The following IFNGR1 variants were observed in gnomAD, a reference collection of about 807,000 sequenced individuals.
The protein encoded by IFNGR1 is interferon gamma receptor 1.
A neutral mutation model predicts 35.4 loss-of-function variants in IFNGR1; 23 were observed. The observed-to-expected ratio is 0.65, with a 90% CI of 0.47 to 0.92. The LOEUF (loss-of-function observed/expected upper bound fraction) is 0.92. IFNGR1 is among the 40% of genes least tolerant of loss of function. The probability of loss-of-function intolerance (pLI) is 0.00; values close to 1 mark genes in which losing one functional copy is unlikely to be tolerated. For synonymous variants in IFNGR1, 199 were observed against 209.5 expected, an observed-to-expected ratio of 0.95 and a Z score of 0.43; for missense variants, 533 against 583.4, an observed-to-expected ratio of 0.91 and a Z score of 0.89.
chr6:137,199,557 A>ATTTATTATAT (rs1582630035), intron 6 of IFNGR1, among the ~76,000 whole-genome samples: 1 of 29,168 alleles, frequency 3.4e-5, no homozygotes, highest in African/African-American at 1.1e-4. Flanking sequence ...ATAACATATA[A>ATTTATTATAT]AATATATATA....
chr6:137,201,572 C>G (rs1779277450), intron 5 of IFNGR1, among the ~76,000 whole-genome samples: 1 of 152,028 alleles, frequency 6.6e-6, no homozygotes, highest in Non-Finnish European at 1.5e-5. Flanking sequence ...ACGTGGGAGG[C>G]TGAGGCAGGA....
In IFNGR1 at chr6:137,198,517, T is replaced by C. The variant is rs752694743; in HGVS notation, c.984A>G (p.Pro328=). ...KEVVCEEPLS[P]ATVPGMHTED... ...CGGTATGCATGCCTGGAACTGTTGC[T>C]GGAGACAACGGCTCTTCACAGACCA... The change falls in exon 7 of 7, where the codon CCA becomes CCG. Residue 328 remains proline, a synonymous_variant. Coordinates refer to ENST00000367739, the MANE Select transcript of IFNGR1 (RefSeq NM_000416.3). 1.2e-6 allele frequency: 2 copies of C among 1,614,190 alleles called. No homozygotes were observed. Among genetic ancestry groups the C allele is most frequent in the Admixed American group, 1.7e-5 (1 of 60,008 alleles).
At chr6:137,218,849 TAGTG>T (rs898402973) in intron 1 of IFNGR1, 6 of 358,660 alleles carry the variant, frequency 1.7e-5, no homozygotes, top group Admixed American at 1.5e-4. Context: ...CGTAGCATAC[TAGTG>T]AGTATCTGCG....
chr6:137,199,459 T>TTATAA (rs1491383046), intron 6 of IFNGR1, among the ~76,000 whole-genome samples: 12,658 of 31,074 alleles, frequency 0.41, 1,650 homozygotes, highest in South Asian at 0.64. Flanking sequence ...AATATATAAC[T>TTATAA]TATATTATAT....
At chr6:137,206,539 C>A in intron 2 of IFNGR1, 1 of 463,324 alleles carries the variant, frequency 2.2e-6, no homozygotes, top group Non-Finnish European at 3.8e-6. Flanking sequence ...CTATGCAAGC[C>A]ACATTCCACA....
chr6:137,213,895 A>G (rs1779630888), intron 1 of IFNGR1, among the ~76,000 whole-genome samples: 2 of 152,344 alleles, frequency 1.3e-5, no homozygotes, highest in South Asian at 4.1e-4. Context: ...TTCATCACCC[A>G]TCTTAACACA....
intron 3 of IFNGR1, 131 bp from the exon 4 acceptor site, chr6:137,204,635 T>A: frequency 1.3e-6 from 1 of 749,694 alleles, no homozygotes; most frequent in Non-Finnish European, 2.4e-6. Flanking sequence ...GGACCACATT[T>A]AAACCACTCC....
intron 6 of IFNGR1, 148 bp downstream of exon 6, chr6:137,200,733 T>C: frequency 1.5e-6 from 1 of 684,506 alleles, no homozygotes; most frequent in Non-Finnish European, 2.4e-6. Context: ...AGACACAGTA[T>C]GTGATTTTGC....
At position 137,206,957 on chromosome 6, in the gene IFNGR1, A is replaced by G. The variant is rs771064624; in HGVS notation, c.200+6T>C. 2 of 1,584,308 alleles carry G rather than the reference A, an allele frequency of 1.3e-6. No homozygotes were observed. The highest frequency in any genetic ancestry group is 3.3e-5 in the Admixed American group (2 of 59,962). On this transcript the variant is annotated splice_donor_region_variant and intron_variant, in intron 2 of 6. Coordinates refer to ENST00000367739, the MANE Select transcript of IFNGR1 (RefSeq NM_000416.3). Reference sequence around the variant, plus strand: ...TAAAAAGGATAAATAAAAGAGTGACACTCACCCATAGTTCTTTACCTCTAC... The same window carrying G: ...TAAAAAGGATAAATAAAAGAGTGACGCTCACCCATAGTTCTTTACCTCTAC...
chr6:137,216,196 A>C (rs908996925), intron 1 of IFNGR1, among the ~76,000 whole-genome samples: 1 of 152,254 alleles, frequency 6.6e-6, no homozygotes, highest in Non-Finnish European at 1.5e-5. Context: ...CAGTACTCAG[A>C]GCTTTATCCT....
intron 6 of IFNGR1, among the ~76,000 whole-genome samples, chr6:137,199,966 G>A (rs1026229712): frequency 6.6e-6 from 1 of 152,004 alleles, no homozygotes; most frequent in Admixed American, 6.6e-5. Context: ...CTATTACACT[G>A]AATACCCACT....
At chr6:137,212,636 G>C (rs146720776) in intron 1 of IFNGR1, among the ~76,000 whole-genome samples, 2 of 152,114 alleles carry the variant, frequency 1.3e-5, no homozygotes, top group Non-Finnish European at 2.9e-5. Flanking sequence ...GTGAGAAAAA[G>C]GCATATAGAA....
chr6:137,216,858 A>G (rs1212788664), intron 1 of IFNGR1, among the ~76,000 whole-genome samples: 1 of 152,182 alleles, frequency 6.6e-6, no homozygotes, highest in Non-Finnish European at 1.5e-5. Context: ...GCTTCACAAA[A>G]GTGACCCCAG....
At chr6:137,210,598 G>T (rs1285821481) in intron 1 of IFNGR1, among the ~76,000 whole-genome samples, 1 of 152,188 alleles carries the variant, frequency 6.6e-6, no homozygotes. Flanking sequence ...CAAAAATTGT[G>T]AGAGGGACAG....
chr6:137,215,291 G>A (rs1779665350), intron 1 of IFNGR1: 1 of 1,544,670 alleles, frequency 6.5e-7, no homozygotes, highest in South Asian at 1.2e-5. Context: ...TGGAATTGGA[G>A]AAGACTATTT....
intron 1 of IFNGR1, among the ~76,000 whole-genome samples, chr6:137,216,942 CGGGA>C (rs2114519856): frequency 6.6e-6 from 1 of 152,284 alleles, no homozygotes; most frequent in South Asian, 2.1e-4. Context: ...GATCTTCCCA[CGGGA>C]GGCAGACAGG....
chr6:137,218,132 T>C (rs1286982975), intron 1 of IFNGR1, among the ~76,000 whole-genome samples: 1 of 152,202 alleles, frequency 6.6e-6, no homozygotes, highest in Non-Finnish European at 1.5e-5. Context: ...ACTGAGTGGC[T>C]ATGACCTCTC....
rs11575931 is a variant in IFNGR1, at chr6:137,219,280, C to T, written c.48G>A (p.Arg16=). 6.4e-4 allele frequency: 1,025 copies of T among 1,611,992 alleles called. 12 individuals are homozygous for T. The East Asian group carries it at 0.022, about 34-fold the overall frequency. ...LLPLVMQGVS[R]AEMGTADLGP... is the part of the protein sequence containing the mutation. Reference sequence around the variant, plus strand: ...CCAGATCCGCGGTGCCCATCTCAGCCCTGCTCACACCCTGCATGACAAGGG... The same window carrying T: ...CCAGATCCGCGGTGCCCATCTCAGCTCTGCTCACACCCTGCATGACAAGGG... Residue 16 remains arginine (R), a synonymous_variant, in exon 1 of 7, where the codon AGG becomes AGA. Transcript: ENST00000367739.
chr6:137,216,065 G>A (rs1281139944), intron 1 of IFNGR1, among the ~76,000 whole-genome samples: 2 of 151,880 alleles, frequency 1.3e-5, no homozygotes, highest in East Asian at 3.9e-4. Context: ...TTATGAATCA[G>A]AATAAAATGA....
Sources: allele counts gnomAD v4.1 joint callset (sites outside exome capture counted in the v4.1 genomes callset), GRCh38; gene constraint gnomAD v4.1.1; transcripts MANE v1.5; gene names NCBI Gene and HGNC (gene_info 2026-07-23, HGNC 2026-07-21).